Variants in STARD13 observed in about 807,000 individuals in gnomAD.
STARD13 encodes the protein stAR-related lipid transfer protein 13.
In STARD13, 62 loss-of-function variants were observed where a neutral mutation model predicts 106.4. The observed-to-expected ratio is 0.58, with a 90% CI of 0.48 to 0.72. The LOEUF (loss-of-function observed/expected upper bound fraction) is 0.72. STARD13 is among the 30% of genes least tolerant of loss of function. The probability of loss-of-function intolerance (pLI) is 0.00; values close to 1 mark genes in which losing one functional copy is unlikely to be tolerated. For missense variants in STARD13, 1,387 were observed against 1,424.0 expected, an observed-to-expected ratio of 0.97 and a Z score of 0.42; for synonymous variants, 565 against 553.0, an observed-to-expected ratio of 1.02 and a Z score of -0.31.
chr13:33,609,231 G>C, the STARD13 span, among the ~76,000 whole-genome samples: 1 of 151,838 alleles, frequency 6.6e-6, no homozygotes, highest in East Asian at 1.9e-4. Flanking sequence ...CATATAAATT[G>C]CAAATTTATT....
At chr13:33,669,972 A>G in the STARD13 span, among the ~76,000 whole-genome samples, 6 of 152,252 alleles carry the variant, frequency 3.9e-5, no homozygotes, top group Non-Finnish European at 8.8e-5. Context: ...TGGTAGGCCA[A>G]CTACTACCAC....
intron 1 of STARD13, among the ~76,000 whole-genome samples, chr13:33,266,427 T>C (rs1292141210): frequency 6.6e-6 from 1 of 152,242 alleles, no homozygotes; most frequent in African/African-American, 2.4e-5. Context: ...ATTTCTGCTC[T>C]ACTTAAAAGC....
chr13:33,458,613 C>T, the STARD13 span, among the ~76,000 whole-genome samples: 2 of 151,974 alleles, frequency 1.3e-5, no homozygotes, highest in Non-Finnish European at 2.9e-5. Flanking sequence ...ATCAAGGCTG[C>T]TGCTAACACA....
chr13:33,352,192 GAC>G (rs2078085251), upstream of STARD13, among the ~76,000 whole-genome samples: 1 of 152,126 alleles, frequency 6.6e-6, no homozygotes, highest in Non-Finnish European at 1.5e-5. Flanking sequence ...TTGCTTTCTG[GAC>G]ACAAGCCAAA....
At chr13:33,289,473 C>A (rs1421879091), upstream of STARD13, among the ~76,000 whole-genome samples, 1 of 152,096 alleles carries the variant, frequency 6.6e-6, no homozygotes, top group Non-Finnish European at 1.5e-5. Context: ...GGAAAGGAGG[C>A]TAAGATTCAC....
chr13:33,465,149 A>G, the STARD13 span, among the ~76,000 whole-genome samples: 3 of 142,956 alleles, frequency 2.1e-5, no homozygotes, highest in African/African-American at 7.9e-5. Flanking sequence ...TCTTTCTACC[A>G]TTTACCATGA....
chr13:33,544,531 C>T, the STARD13 span, among the ~76,000 whole-genome samples: 1 of 152,080 alleles, frequency 6.6e-6, no homozygotes, highest in Non-Finnish European at 1.5e-5. Context: ...AGAAAGCAGT[C>T]GGTTTTCTGG....
chr13:33,520,953 A>T, the STARD13 span, among the ~76,000 whole-genome samples: 2 of 152,076 alleles, frequency 1.3e-5, no homozygotes, highest in African/African-American at 4.8e-5. Flanking sequence ...CTTCATTCTT[A>T]CTTAGCTTCC....
intron 1 of STARD13, among the ~76,000 whole-genome samples, chr13:33,251,711 G>T (rs540193915): frequency 2.9e-4 from 44 of 152,276 alleles, no homozygotes; most frequent in Admixed American, 1.2e-3. Flanking sequence ...TAAAGTATGG[G>T]CATATCTATA....
chr13:33,618,101 T>C, the STARD13 span, among the ~76,000 whole-genome samples: 1 of 152,362 alleles, frequency 6.6e-6, no homozygotes, highest in South Asian at 2.1e-4. Flanking sequence ...GTTGCTGAAG[T>C]GAGCATTCTA....
At chr13:33,282,895 G>A (rs534387337) in intron 1 of STARD13, among the ~76,000 whole-genome samples, 24 of 152,062 alleles carry the variant, frequency 1.6e-4, no homozygotes, top group African/African-American at 4.8e-4. Flanking sequence ...CAGGCATGGT[G>A]GCACACTCCT....
chr13:33,575,721 T>G, the STARD13 span, among the ~76,000 whole-genome samples: 9 of 152,210 alleles, frequency 5.9e-5, no homozygotes, highest in East Asian at 1.7e-3. Context: ...GTGCTTCCCC[T>G]TTGGTCTCTG....
chr13:33,309,987 G>A (rs1350652509), intron 1 of STARD13, among the ~76,000 whole-genome samples: 1 of 152,028 alleles, frequency 6.6e-6, no homozygotes, highest in Non-Finnish European at 1.5e-5. Context: ...TTTTATGTAG[G>A]GTCTATTGAC....
the STARD13 span, among the ~76,000 whole-genome samples, chr13:33,582,534 A>T: frequency 6.6e-5 from 10 of 152,216 alleles, no homozygotes; most frequent in African/African-American, 2.4e-4. Context: ...TGCAGTGAGT[A>T]TATCTACGAA....
At position 33,131,497 on chromosome 13, in the gene STARD13, G is replaced by A. The variant is rs371269037; in HGVS notation, c.388-1208C>T. 1.1e-3 allele frequency among the ~76,000 whole-genome samples: 168 copies of A among 151,638 alleles called. 1 individual carries two copies. The highest frequency in any genetic ancestry group is 3.7e-3 in the African/African-American group (155 of 41,354). ...GCCTCCACTCTCAGTTGTTACAGGTGAAGTCATCAAGAGCCGGGCCTGCTA... is the reference window on the plus strand; with the variant it reads ...GCCTCCACTCTCAGTTGTTACAGGTAAAGTCATCAAGAGCCGGGCCTGCTA... On this transcript the variant is annotated intron_variant, in intron 4 of 13. Transcript: ENST00000336934.
chr13:33,516,747 AACC>A, the STARD13 span, among the ~76,000 whole-genome samples: 24 of 152,108 alleles, frequency 1.6e-4, no homozygotes, highest in African/African-American at 4.3e-4. Flanking sequence ...GTAAAATACA[AACC>A]AGATTTTGAG....
At chr13:33,485,666 G>C in the STARD13 span, among the ~76,000 whole-genome samples, 1 of 152,052 alleles carries the variant, frequency 6.6e-6, no homozygotes, top group Admixed American at 6.6e-5. Context: ...GACTAAATGA[G>C]GTAATAGATA....
intron 1 of STARD13, among the ~76,000 whole-genome samples, chr13:33,205,438 A>G (rs947005751): frequency 6.6e-6 from 1 of 152,186 alleles, no homozygotes; most frequent in Non-Finnish European, 1.5e-5. Flanking sequence ...GTCAATCTGA[A>G]AGGTGGGTCG....
chr13:33,242,161 T>C (rs1034209648), intron 1 of STARD13, among the ~76,000 whole-genome samples: 1 of 151,958 alleles, frequency 6.6e-6, no homozygotes, highest in African/African-American at 2.4e-5. Context: ...CCGCCCCGTC[T>C]GAGAAGTGAG....
Sources: gnomAD v4.1 joint callset for allele counts (sites outside exome capture counted in the v4.1 genomes callset) on GRCh38, gnomAD v4.1.1 for gene constraint, MANE v1.5 for transcripts, NCBI Gene and HGNC (gene_info 2026-07-23, HGNC 2026-07-21) for gene names.